The following CTIF variants were observed in gnomAD, a reference collection of about 807,000 sequenced individuals.
CTIF encodes cap binding complex dependent translation initiation factor.
CTIF carries 21 observed loss-of-function variants against 66.0 expected under a neutral mutation model. That is an observed-to-expected ratio of 0.32 (90% CI 0.23 to 0.46). The LOEUF (loss-of-function observed/expected upper bound fraction) is 0.46. CTIF is among the 20% of genes least tolerant of loss of function. The probability of loss-of-function intolerance (pLI) is 1.00; values close to 1 mark genes in which losing one functional copy is unlikely to be tolerated. For missense variants in CTIF, 739 were observed against 812.7 expected, an observed-to-expected ratio of 0.91 and a Z score of 1.10; for synonymous variants, 345 against 326.4, an observed-to-expected ratio of 1.06 and a Z score of -0.62.
chr18:48,680,793 A>G (rs2091727500), intron 6 of CTIF, among the ~76,000 whole-genome samples: 1 of 152,222 alleles, frequency 6.6e-6, no homozygotes, highest in African/African-American at 2.4e-5. Context: ...GCTTGGGGGA[A>G]GAGGAAGGTG....
At chr18:48,768,539 C>G (rs1378192899) in intron 9 of CTIF, among the ~76,000 whole-genome samples, 1 of 152,182 alleles carries the variant, frequency 6.6e-6, no homozygotes, top group African/African-American at 2.4e-5. Flanking sequence ...CCCAGCATCA[C>G]GAGGCTAGCT....
intron 9 of CTIF, among the ~76,000 whole-genome samples, chr18:48,800,463 T>C (rs529811397): frequency 6.6e-6 from 1 of 152,316 alleles, no homozygotes; most frequent in East Asian, 1.9e-4. Context: ...CTCAGTCCCC[T>C]GATGTCAGTA....
intron 6 of CTIF, among the ~76,000 whole-genome samples, chr18:48,674,215 C>A (rs1263365878): frequency 6.6e-6 from 1 of 152,256 alleles, no homozygotes; most frequent in Non-Finnish European, 1.5e-5. Context: ...GGAAATGAGA[C>A]ATGCACAGAT....
At chr18:48,633,575 A>C (rs1195309960) in intron 2 of CTIF, among the ~76,000 whole-genome samples, 3 of 151,876 alleles carry the variant, frequency 2.0e-5, no homozygotes, top group Admixed American at 1.3e-4. Flanking sequence ...GGTGGCGGGC[A>C]CCTGTAATCC....
chr18:48,832,189 T>TTTTTTTTTTTTAA (rs1289637754), intron 10 of CTIF, among the ~76,000 whole-genome samples: 4 of 150,074 alleles, frequency 2.7e-5, no homozygotes, highest in Admixed American at 6.6e-5. Flanking sequence ...TTTTTTTTTT[T>TTTTTTTTTTTTAA]AAGACAGGGT....
chr18:48,710,829 A>G (rs2092214980), intron 6 of CTIF, among the ~76,000 whole-genome samples: 2 of 152,182 alleles, frequency 1.3e-5, no homozygotes, highest in African/African-American at 4.8e-5. Flanking sequence ...AAAACAAGCC[A>G]GGCGTGGTGA....
At chr18:48,827,825 C>A (rs1262547734) in intron 10 of CTIF, among the ~76,000 whole-genome samples, 1 of 152,176 alleles carries the variant, frequency 6.6e-6, no homozygotes, top group Non-Finnish European at 1.5e-5. Flanking sequence ...CCCTCCAGAG[C>A]TTTCGTTCCC....
chr18:48,709,439 A>C (rs887870775), intron 6 of CTIF, among the ~76,000 whole-genome samples: 2 of 152,274 alleles, frequency 1.3e-5, no homozygotes, highest in Non-Finnish European at 2.9e-5. Context: ...TAAGGAGGCC[A>C]GGAGGTAGGT....
At chr18:48,834,156 C>A (rs34554310) in intron 10 of CTIF, among the ~76,000 whole-genome samples, 118 of 152,242 alleles carry the variant, frequency 7.8e-4, no homozygotes, top group Non-Finnish European at 8.8e-4. Flanking sequence ...GAGGCAAAGC[C>A]GAGTTTAACC....
At chr18:48,646,367 C>A (rs531222308) in intron 3 of CTIF, among the ~76,000 whole-genome samples, 27 of 151,940 alleles carry the variant, frequency 1.8e-4, no homozygotes, top group Non-Finnish European at 3.5e-4. Context: ...AAAACCCCAA[C>A]AAGACATCAC....
chr18:48,660,223 A>T (rs1411503351), intron 3 of CTIF, among the ~76,000 whole-genome samples: 1 of 150,310 alleles, frequency 6.7e-6, no homozygotes, highest in East Asian at 2.0e-4. Context: ...GTGGGGATTC[A>T]ATGAGGAAAA....
At chr18:48,848,909 C>T (rs1193935700) in intron 10 of CTIF, among the ~76,000 whole-genome samples, 2 of 152,236 alleles carry the variant, frequency 1.3e-5, no homozygotes, top group African/African-American at 2.4e-5. Context: ...CATTCGCTTC[C>T]GAACAAACAC....
intron 1 of CTIF, among the ~76,000 whole-genome samples, chr18:48,555,019 C>G (rs909296551): frequency 2.6e-5 from 4 of 152,206 alleles, no homozygotes; most frequent in Admixed American, 6.5e-5. Flanking sequence ...GAGGTAAGCT[C>G]TCTTCCCTTA....
chr18:48,749,067 CTT>C (rs1907535274), intron 7 of CTIF, among the ~76,000 whole-genome samples: 1 of 152,252 alleles, frequency 6.6e-6, no homozygotes, highest in African/African-American at 2.4e-5. Flanking sequence ...TTTTAGGCGA[CTT>C]TCTGTCCATG....
chr18:48,787,133 TG>T (rs913269072), intron 9 of CTIF, among the ~76,000 whole-genome samples: 5 of 152,144 alleles, frequency 3.3e-5, no homozygotes, highest in African/African-American at 1.2e-4. Flanking sequence ...ACTGGCTCTC[TG>T]GGAGCAGCTG....
intron 6 of CTIF, among the ~76,000 whole-genome samples, chr18:48,698,508 C>T (rs930694720): frequency 9.2e-5 from 14 of 152,204 alleles, no homozygotes; most frequent in East Asian, 3.8e-4. Context: ...CCACTGTGTA[C>T]AGCCCAATTC....
At chr18:48,551,500 C>T (rs567385145) in intron 1 of CTIF, among the ~76,000 whole-genome samples, 1 of 152,160 alleles carries the variant, frequency 6.6e-6, no homozygotes, top group South Asian at 2.1e-4. Flanking sequence ...TCTGTTATGG[C>T]AGCCATGGAT....
intron 1 of CTIF, among the ~76,000 whole-genome samples, chr18:48,604,168 GTTTTTTTTTTT>G (rs34544217): frequency 4.7e-5 from 3 of 63,264 alleles, no homozygotes; most frequent in East Asian, 1.1e-3. Context: ...TTTTTTAAGG[GTTTTTTTTTTT>G]TTTTTTTTTT....
At chr18:48,590,672 C>T (rs2089868955) in intron 1 of CTIF, among the ~76,000 whole-genome samples, 1 of 152,210 alleles carries the variant, frequency 6.6e-6, no homozygotes, top group East Asian at 1.9e-4. Context: ...CAGGCACCAC[C>T]TTCGCCAGAG....
Sources: gnomAD v4.1 joint callset for allele counts (sites outside exome capture counted in the v4.1 genomes callset) on GRCh38, gnomAD v4.1.1 for gene constraint, MANE v1.5 for transcripts, NCBI Gene and HGNC (gene_info 2026-07-23, HGNC 2026-07-21) for gene names.